Variants in SFMBT1 observed in about 807,000 individuals in gnomAD.
The protein encoded by SFMBT1 is Scm like with four mbt domains 1.
A neutral mutation model predicts 108.7 loss-of-function variants in SFMBT1; 32 were observed. The observed-to-expected ratio is 0.29, with a 90% CI of 0.22 to 0.40. The LOEUF (loss-of-function observed/expected upper bound fraction) is 0.40, where lower values mean the gene tolerates loss of function less well. Ranked by LOEUF, SFMBT1 falls within the 10% of genes least tolerant of loss-of-function variation. The pLI is 1.00. For synonymous variants in SFMBT1, 348 were observed against 369.5 expected (o/e 0.94, Z 0.67); for missense variants, 816 against 1,059.6 (o/e 0.77, Z 3.19).
chr3:53,002,401 T>TAAA (rs36044342), intron 1 of SFMBT1, among the ~76,000 whole-genome samples: 2,749 of 106,856 alleles, frequency 0.026, 150 homozygotes, highest in African/African-American at 0.092. Flanking sequence ...TCCGTCTCAA[T>TAAA]AAAAAAAAAA....
At chr3:52,913,401 T>C in intron 15 of SFMBT1, 77 bp downstream of exon 15, 2 of 1,525,292 alleles carry the variant, frequency 1.3e-6, no homozygotes, top group South Asian at 1.3e-5. Context: ...ATCTATGGCA[T>C]GTGGCTCCCT....
intron 1 of SFMBT1, among the ~76,000 whole-genome samples, chr3:53,000,495 A>C (rs978237460): frequency 2.7e-5 from 4 of 150,018 alleles, no homozygotes; most frequent in Non-Finnish European, 6.0e-5. Flanking sequence ...TAAAGTATTA[A>C]GAGTACTGAG....
At chr3:52,930,668 GA>G (rs200430623) in intron 7 of SFMBT1, among the ~76,000 whole-genome samples, 1,994 of 152,134 alleles carry the variant, frequency 0.013, 45 homozygotes, top group African/African-American at 0.046. Context: ...AATATCTGGA[GA>G]AAAAAACAAA....
intron 15 of SFMBT1, 112 bp downstream of exon 15, chr3:52,913,366 T>G: frequency 7.4e-7 from 1 of 1,353,746 alleles, no homozygotes; most frequent in Non-Finnish European, 9.9e-7. Context: ...AGTTAGTAAC[T>G]TTTGATAAAA....
At chr3:52,989,832 T>C (rs952736917) in intron 1 of SFMBT1, among the ~76,000 whole-genome samples, 5 of 152,034 alleles carry the variant, frequency 3.3e-5, no homozygotes, top group Non-Finnish European at 5.9e-5. Context: ...GTTTACATAA[T>C]GTATAACTTC....
intron 15 of SFMBT1, among the ~76,000 whole-genome samples, chr3:52,912,999 T>C (rs1022611658): frequency 6.6e-6 from 1 of 152,198 alleles, no homozygotes; most frequent in Non-Finnish European, 1.5e-5. Flanking sequence ...TGAGCCTTCT[T>C]GTGGCTGGAG....
intron 3 of SFMBT1, among the ~76,000 whole-genome samples, chr3:52,945,200 T>C (rs1279199687): frequency 2.6e-5 from 3 of 116,284 alleles, no homozygotes; most frequent in Non-Finnish European, 5.5e-5. Flanking sequence ...ATAGGAAAAA[T>C]ACAATTAGAG....
chr3:53,031,170 C>T (rs1457076641), intron 1 of SFMBT1, among the ~76,000 whole-genome samples: 1 of 152,146 alleles, frequency 6.6e-6, no homozygotes, highest in Non-Finnish European at 1.5e-5. Context: ...ATTCCATTAA[C>T]AACAGTGGGA....
intron 1 of SFMBT1, among the ~76,000 whole-genome samples, chr3:53,037,056 A>G (rs941255182): frequency 6.6e-6 from 1 of 152,230 alleles, no homozygotes; most frequent in Admixed American, 6.5e-5. Context: ...TTTCACCAGC[A>G]CACTATTCCG....
At chr3:52,960,177 A>G (rs1453034015) in intron 2 of SFMBT1, among the ~76,000 whole-genome samples, 2 of 151,994 alleles carry the variant, frequency 1.3e-5, no homozygotes, top group Non-Finnish European at 2.9e-5. Context: ...TGAAAAGCAC[A>G]GCTAGGTTTC....
At chr3:52,919,039 G>A (rs9880619) in intron 12 of SFMBT1, among the ~76,000 whole-genome samples, 81,716 of 151,842 alleles carry the variant, frequency 0.54, 23,034 homozygotes, top group Middle Eastern at 0.63. Flanking sequence ...ATGCCGCCCC[G>A]ATCTGACAGG....
intron 1 of SFMBT1, among the ~76,000 whole-genome samples, chr3:53,017,358 A>AT (rs1314931253): frequency 3.9e-5 from 6 of 152,158 alleles, no homozygotes; most frequent in Admixed American, 6.5e-5. Context: ...AGTGACACTT[A>AT]TTTTTTATTT....
At chr3:52,989,272 A>G (rs1705035525) in intron 1 of SFMBT1, among the ~76,000 whole-genome samples, 1 of 152,066 alleles carries the variant, frequency 6.6e-6, no homozygotes, top group Admixed American at 6.6e-5. Flanking sequence ...TCAATCCTTA[A>G]TAATACTATG....
chr3:52,966,482 A>G (rs1211859547), intron 2 of SFMBT1, among the ~76,000 whole-genome samples: 1 of 142,554 alleles, frequency 7.0e-6, no homozygotes. Flanking sequence ...AAAGTTAGCC[A>G]AGCGTGGTGG....
chr3:52,970,732 T>C (rs1704312124), intron 1 of SFMBT1, among the ~76,000 whole-genome samples: 2 of 152,184 alleles, frequency 1.3e-5, no homozygotes, highest in African/African-American at 2.4e-5. Context: ...CCCCAGTAAA[T>C]GATTCTCATA....
intron 17 of SFMBT1, among the ~76,000 whole-genome samples, chr3:52,909,481 C>T (rs1180060651): frequency 3.3e-5 from 5 of 152,104 alleles, no homozygotes; most frequent in Admixed American, 2.6e-4. Flanking sequence ...TTAGAAAGCT[C>T]GTCATACTAA....
chr3:53,042,666 A>G (rs1359320266), intron 1 of SFMBT1, among the ~76,000 whole-genome samples: 1 of 152,232 alleles, frequency 6.6e-6, no homozygotes, highest in African/African-American at 2.4e-5. Flanking sequence ...AAAAGGAAAA[A>G]TCTGAGTTTA....
chr3:52,920,806 G>A (rs1702501684), intron 11 of SFMBT1, among the ~76,000 whole-genome samples, 156 bp from the exon 12 acceptor site: 1 of 152,088 alleles, frequency 6.6e-6, no homozygotes, highest in South Asian at 2.1e-4. Flanking sequence ...TTTCATGTAT[G>A]ATAAACATTA....
Position 52,926,103 on chromosome 3 carries a change from G to A in SFMBT1, c.1059C>T (p.Ser353=). The A allele has an allele frequency of 2.5e-6, 4 of 1,605,064 alleles. No homozygotes were observed. The highest frequency in any genetic ancestry group is 3.4e-6 in the Non-Finnish European group (4 of 1,176,346). Residue 353 remains serine, a synonymous_variant, in exon 10 of 21, where the codon AGC becomes AGT. Coordinates refer to ENST00000394752, the MANE Select transcript of SFMBT1 (RefSeq NM_016329.4). The part of the protein sequence containing the change: ...LHISPPPGYP[S]QDFDWADYLK... ...GGTAGTCAGCCCAGTCAAAGTCCTGGCTTGGGTAGCCTAGGTGGGGACAAA... is the reference window on the plus strand; with the variant it reads ...GGTAGTCAGCCCAGTCAAAGTCCTGACTTGGGTAGCCTAGGTGGGGACAAA...
Sources: gnomAD v4.1 joint callset for allele counts (sites outside exome capture counted in the v4.1 genomes callset) on GRCh38, gnomAD v4.1.1 for gene constraint, MANE v1.5 for transcripts, NCBI Gene and HGNC (gene_info 2026-07-23, HGNC 2026-07-21) for gene names.